AFM: variants seen among roughly 807,000 people sequenced by gnomAD.
The protein encoded by AFM is afamin.
AFM carries 82 observed loss-of-function variants against 68.7 expected under a neutral mutation model. The observed-to-expected ratio is 1.19, with a 90% confidence interval of 1.00 to 1.43. The LOEUF (loss-of-function observed/expected upper bound fraction) is 1.43. AFM is among the 40% of genes most tolerant of loss of function. The pLI is 0.00. For missense variants in AFM, 772 were observed against 701.8 expected (o/e 1.10, Z -1.13); for synonymous variants, 250 against 234.2 (o/e 1.07, Z -0.61).
chr4:73,488,535 C>A, intron 6 of AFM, 95 bp from the exon 7 acceptor site: 2 of 1,118,216 alleles, frequency 1.8e-6, no homozygotes, highest in Non-Finnish European at 1.3e-6. Context: ...GGTGGCAATA[C>A]TTTTTGTAGC....
intron 10 of AFM, among the ~76,000 whole-genome samples, chr4:73,498,632 C>T (rs1048801639): frequency 4.6e-4 from 70 of 152,278 alleles, no homozygotes; most frequent in African/African-American, 1.6e-3. Flanking sequence ...CAAAATAAAA[C>T]ACAGTTTAAA....
chr4:73,500,823 A>G (rs960769106), intron 12 of AFM, among the ~76,000 whole-genome samples: 1 of 152,202 alleles, frequency 6.6e-6, no homozygotes, highest in African/African-American at 2.4e-5. Context: ...TTTAAATAGA[A>G]TAATACTCTT....
intron 7 of AFM, among the ~76,000 whole-genome samples, chr4:73,490,523 C>A (rs1236677978): frequency 1.3e-5 from 2 of 152,098 alleles, no homozygotes; most frequent in Non-Finnish European, 2.9e-5. Context: ...GGGTTCACGC[C>A]ATTCTCCTGC....
At chr4:73,484,568 G>A (rs536396254) in intron 3 of AFM, among the ~76,000 whole-genome samples, 178 bp downstream of exon 3, 8 of 136,110 alleles carry the variant, frequency 5.9e-5, no homozygotes, top group East Asian at 2.2e-4. Flanking sequence ...ACAGAGTCTC[G>A]CTCTGTCACC....
intron 6 of AFM, among the ~76,000 whole-genome samples, chr4:73,488,233 G>A (rs547587939): frequency 1.6e-4 from 24 of 152,268 alleles, no homozygotes; most frequent in African/African-American, 5.3e-4. Context: ...TTAGTAATGG[G>A]TGTTAAGGCA....
rs1213130620 is a variant in AFM, at chr4:73,484,491, TTTCTTTCTTTCTTTCA to T, written c.270+115_270+130del. ...CTTTCTTTCTTTCTTTCTTTCTTTC[TTTCTTTCTTTCTTTCA>T]TTCTTTCTTTCTTCTTTCTTTCTTT... On this transcript the variant is annotated intron_variant, in intron 3 of 14. Coordinates refer to ENST00000226355, the MANE Select transcript of AFM (RefSeq NM_001133.2). 1.0e-4 allele frequency: 79 copies of T among 782,898 alleles called. No individual in the cohort carries two copies. The East Asian group carries it at 1.2e-3, about 12-fold the overall frequency. The allele number at this position is 782,898 out of a possible 1,614,324, so 48.5% of individuals were successfully genotyped here. A position where few individuals can be genotyped will look rare whatever the true frequency, so the allele number is the denominator to read the frequency against.
At chr4:73,483,513 C>T (rs909501454) in intron 1 of AFM, among the ~76,000 whole-genome samples, 63 of 152,198 alleles carry the variant, frequency 4.1e-4, no homozygotes, top group African/African-American at 1.4e-3. Flanking sequence ...GACTGAGTAG[C>T]GCTAAAAACT....
chr4:73,497,621 T>C, intron 9 of AFM, 31 bp from the exon 10 acceptor site: 1 of 1,411,336 alleles, frequency 7.1e-7, no homozygotes. Flanking sequence ...TTAGATAAAA[T>C]GTTTGTAACC....
chr4:73,502,129 G>A (rs947714726), intron 13 of AFM, among the ~76,000 whole-genome samples: 31 of 152,196 alleles, frequency 2.0e-4, no homozygotes, highest in African/African-American at 6.8e-4. Flanking sequence ...GAAGACCTGG[G>A]TTGTAACCCC....
At chr4:73,492,327 ATATACTT>A (rs1193447776) in intron 8 of AFM, among the ~76,000 whole-genome samples, 5 of 152,210 alleles carry the variant, frequency 3.3e-5, no homozygotes, top group Non-Finnish European at 5.9e-5. Flanking sequence ...TCATGGGACT[ATATACTT>A]TATACAGATA....
At chr4:73,496,465 T>C (rs1253757002) in intron 9 of AFM, among the ~76,000 whole-genome samples, 1 of 152,170 alleles carries the variant, frequency 6.6e-6, no homozygotes, top group African/African-American at 2.4e-5. Context: ...AGGAAAATTA[T>C]TGGATCAAAA....
At chr4:73,484,472 TTCTTTC>T (rs1720819615) in intron 3 of AFM, 82 bp downstream of exon 3, 3 of 570,586 alleles carry the variant, frequency 5.3e-6, no homozygotes, top group Non-Finnish European at 8.5e-6. Flanking sequence ...CTTTCTTTCT[TTCTTTC>T]TTTCTTTCTT....
At chr4:73,493,951 G>T (rs934297905) in intron 8 of AFM, among the ~76,000 whole-genome samples, 9 of 152,142 alleles carry the variant, frequency 5.9e-5, no homozygotes, top group Admixed American at 3.9e-4. Context: ...AGTGTTTTAA[G>T]GTAGAGTCTT....
At chr4:73,498,622 C>A (rs905621679) in intron 10 of AFM, among the ~76,000 whole-genome samples, 1 of 152,136 alleles carries the variant, frequency 6.6e-6, no homozygotes, top group African/African-American at 2.4e-5. Context: ...ATCTTTAAAT[C>A]AAAATAAAAC....
intron 4 of AFM, 63 bp from the exon 5 acceptor site, chr4:73,486,904 A>C: frequency 6.7e-7 from 1 of 1,498,752 alleles, no homozygotes; most frequent in South Asian, 1.3e-5. Context: ...TCCCTTGTCT[A>C]CATTCATTGC....
intron 3 of AFM, among the ~76,000 whole-genome samples, chr4:73,485,583 G>A (rs1008789576): frequency 1.5e-5 from 2 of 135,388 alleles, no homozygotes; most frequent in Admixed American, 7.5e-5. Flanking sequence ...GAAAGAGAAG[G>A]AGAAGGAGAA....
chr4:73,485,586 AAGG>A (rs1163335612), intron 3 of AFM, among the ~76,000 whole-genome samples: 3 of 136,688 alleles, frequency 2.2e-5, no homozygotes, highest in Non-Finnish European at 4.9e-5. Context: ...AGAGAAGGAG[AAGG>A]AGAAGAGGAA....
intron 3 of AFM, 90 bp downstream of exon 3, chr4:73,484,480 TTC>T (rs1199732149): frequency 1.5e-3 from 1,034 of 675,046 alleles, no homozygotes; most frequent in Non-Finnish European, 2.2e-3. Context: ...CTTTCTTTCT[TTC>T]TTTCTTTCTT....
Position 73,495,296 on chromosome 4 carries a change from G to T in AFM, c.1059-4G>T, listed in dbSNP as rs746552761. On this transcript the variant is annotated splice_polypyrimidine_tract_variant and splice_region_variant and intron_variant, in intron 8 of 14. Transcript: ENST00000226355. ...TCTAATATACAAAATTTTACACATT[G>T]CAGGTTTACTTTTGAATACTCAAGG... 17 of 1,572,362 alleles carry T rather than the reference G, an allele frequency of 1.1e-5. No homozygotes were observed. The highest frequency in any genetic ancestry group is 1.3e-5 in the Non-Finnish European group (15 of 1,167,412).
Sources: gnomAD v4.1 joint callset for allele counts (sites outside exome capture counted in the v4.1 genomes callset) on GRCh38, gnomAD v4.1.1 for gene constraint, MANE v1.5 for transcripts, NCBI Gene and HGNC (gene_info 2026-07-23, HGNC 2026-07-21) for gene names.